The following BRD7 variants were observed in gnomAD, a reference collection of about 807,000 sequenced individuals.
The protein encoded by BRD7 is bromodomain containing 7.
A neutral mutation model predicts 82.1 loss-of-function variants in BRD7; 15 were observed. The observed-to-expected ratio is 0.18, with a 90% confidence interval of 0.12 to 0.28. BRD7 has a LOEUF of 0.28. Among genes scored for constraint, BRD7 ranks in the 10% least tolerant of loss-of-function variants. The pLI, the probability that BRD7 is intolerant of heterozygous loss-of-function variation, is 1.00. For synonymous variants in BRD7, 232 were observed against 266.9 expected, an observed-to-expected ratio of 0.87 and a Z score of 1.27; for missense variants, 638 against 779.9, an observed-to-expected ratio of 0.82 and a Z score of 2.17.
At chr16:50,363,442 G>A (rs1395960405) in intron 2 of BRD7, among the ~76,000 whole-genome samples, 1 of 152,218 alleles carries the variant, frequency 6.6e-6, no homozygotes, top group African/African-American at 2.4e-5. Context: ...CATAGGGGTG[G>A]TGTCTTGTGG....
intron 2 of BRD7, among the ~76,000 whole-genome samples, chr16:50,365,950 T>C (rs933986697): frequency 3.3e-5 from 5 of 151,586 alleles, no homozygotes; most frequent in Non-Finnish European, 7.4e-5. Context: ...CAAGTATTCA[T>C]TGTGAAATGT....
rs191508396 is a variant in BRD7, at chr16:50,364,372, C to G, written c.258+3718G>C. Among the ~76,000 whole-genome samples the G allele has an allele frequency of 1.4e-4, 22 of 152,280 alleles. No individual in the cohort carries two copies. The East Asian group carries it at 4.3e-3, about 29-fold the overall frequency. On this transcript the variant is annotated intron_variant, in intron 2 of 16. Transcript: ENST00000394688. ...TCACAGAGGCATCTCTAAGGTCTCC[C>G]TCCCTACATAACACTAGCAAAAAGA... is the stretch of plus-strand genomic sequence containing the variant.
At chr16:50,323,547 C>T (rs774813170) in intron 12 of BRD7, 40 bp downstream of exon 12, 13 of 1,393,264 alleles carry the variant, frequency 9.3e-6, no homozygotes, top group African/African-American at 1.4e-5. Context: ...GCTTGAGAGT[C>T]GATAATAAAT....
At chr16:50,337,861 T>A (rs1274296345) in intron 6 of BRD7, among the ~76,000 whole-genome samples, 1 of 147,390 alleles carries the variant, frequency 6.8e-6, no homozygotes, top group Non-Finnish European at 1.5e-5. Flanking sequence ...GTGGGGCTCC[T>A]CAACAGCAAA....
At chr16:50,353,102 T>C (rs1045901365) in intron 4 of BRD7, among the ~76,000 whole-genome samples, 3 of 151,244 alleles carry the variant, frequency 2.0e-5, no homozygotes, top group African/African-American at 7.3e-5. Context: ...AAGATCTCAT[T>C]CTGTTGCCCA....
chr16:50,351,977 G>T (rs1051201773), intron 4 of BRD7, among the ~76,000 whole-genome samples: 4 of 152,134 alleles, frequency 2.6e-5, no homozygotes, highest in African/African-American at 9.7e-5. Context: ...TATAATAAAT[G>T]GTTGTGGACT....
intron 13 of BRD7, among the ~76,000 whole-genome samples, chr16:50,321,081 G>A (rs1378630165): frequency 6.6e-6 from 1 of 152,188 alleles, no homozygotes; most frequent in Non-Finnish European, 1.5e-5. Context: ...TGAGAGCCTT[G>A]TTGTTGCTTA....
intron 2 of BRD7, among the ~76,000 whole-genome samples, chr16:50,357,531 G>A (rs375713393): frequency 9.9e-4 from 151 of 152,258 alleles, no homozygotes; most frequent in African/African-American, 3.3e-3. Context: ...TCCATTCTAT[G>A]AAATAACAGC....
intron 5 of BRD7, among the ~76,000 whole-genome samples, chr16:50,341,642 C>CAAAA (rs5816690): frequency 1.1e-3 from 119 of 106,120 alleles, no homozygotes; most frequent in East Asian, 2.2e-3. Context: ...GACTCGGTCT[C>CAAAA]AAAAAAAAAA....
chr16:50,340,648 C>A (rs1235776744), intron 5 of BRD7, among the ~76,000 whole-genome samples: 1 of 152,154 alleles, frequency 6.6e-6, no homozygotes, highest in Non-Finnish European at 1.5e-5. Context: ...TGGATACTAT[C>A]ATAAACTAAA....
At chr16:50,320,091 A>G in intron 15 of BRD7, 61 bp from the exon 16 acceptor site, 1 of 1,548,396 alleles carries the variant, frequency 6.5e-7, no homozygotes, top group Non-Finnish European at 8.7e-7. Flanking sequence ...GAGGCATCCC[A>G]AAGAACAGTA....
In BRD7 at chr16:50,354,489, C is replaced by G; in HGVS notation, c.389-7G>C. On this transcript the variant is annotated splice_polypyrimidine_tract_variant and splice_region_variant and intron_variant, in intron 3 of 16. Transcript: ENST00000394688. ...AGGGGTGTCTGTTCTACTTCTAAAG[C>G]AAAGAAGAAGGGAAAAGGGTATTTT... is the stretch of plus-strand genomic sequence containing the variant. The G allele has an allele frequency of 6.2e-7, 1 of 1,608,286 alleles. No homozygotes were observed. Among genetic ancestry groups the G allele is most frequent in the Non-Finnish European group, 8.5e-7 (1 of 1,176,644 alleles).
chr16:50,348,485 T>TG (rs1358108297), intron 5 of BRD7, among the ~76,000 whole-genome samples: 2 of 152,098 alleles, frequency 1.3e-5, no homozygotes, highest in Non-Finnish European at 2.9e-5. Flanking sequence ...ACCTACAGAA[T>TG]GGGAGAAAAT....
intron 12 of BRD7, 116 bp from the exon 13 acceptor site, chr16:50,322,154 C>T: frequency 1.3e-6 from 1 of 765,746 alleles, no homozygotes; most frequent in Non-Finnish European, 2.1e-6. Flanking sequence ...ATATGGACTA[C>T]TGGAATATAA....
intron 12 of BRD7, among the ~76,000 whole-genome samples, chr16:50,323,180 A>G (rs1424211507): frequency 1.3e-5 from 2 of 152,216 alleles, no homozygotes; most frequent in Non-Finnish European, 2.9e-5. Flanking sequence ...GCAATGAGGA[A>G]GCTTTTTACT....
Position 50,318,963 on chromosome 16 carries a change from C to G in BRD7, c.*248G>C, listed in dbSNP as rs1036014689. The G allele has an allele frequency of 2.4e-6, 1 of 420,896 alleles. No homozygotes were observed. Among genetic ancestry groups the G allele is most frequent in the Non-Finnish European group, 4.3e-6 (1 of 233,822 alleles). The allele number at this position is 420,896 out of a possible 1,614,324, so 26.1% of individuals were successfully genotyped here. On this transcript the variant is annotated 3_prime_UTR_variant, in exon 17 of 17. Coordinates refer to ENST00000394688, the MANE Select transcript of BRD7 (RefSeq NM_013263.5). ...CTGTCTGTGGGACATAAGGAAGAAG[C>G]ATTGGAAGGCACTATTTTGAAAGAA...
At chr16:50,321,022 C>G (rs2037077162) in intron 13 of BRD7, among the ~76,000 whole-genome samples, 1 of 152,212 alleles carries the variant, frequency 6.6e-6, no homozygotes, top group African/African-American at 2.4e-5. Flanking sequence ...GTATCTTATA[C>G]AATTTATATC....
At chr16:50,351,080 C>T (rs149164471) in intron 4 of BRD7, among the ~76,000 whole-genome samples, 70 of 152,238 alleles carry the variant, frequency 4.6e-4, no homozygotes, top group African/African-American at 1.7e-3. Flanking sequence ...TTTTCTTACT[C>T]CACAGAATAA....
At chr16:50,327,685 C>G (rs939380475) in intron 9 of BRD7, among the ~76,000 whole-genome samples, 1 of 152,218 alleles carries the variant, frequency 6.6e-6, no homozygotes, top group Non-Finnish European at 1.5e-5. Flanking sequence ...CCTTCCCTGA[C>G]CCCCAAACAC....
Sources: gnomAD v4.1 joint callset for allele counts (sites outside exome capture counted in the v4.1 genomes callset) on GRCh38, gnomAD v4.1.1 for gene constraint, MANE v1.5 for transcripts, NCBI Gene and HGNC (gene_info 2026-07-23, HGNC 2026-07-21) for gene names.